PTPN2: variants seen among roughly 807,000 people sequenced by gnomAD.
PTPN2 encodes the protein protein tyrosine phosphatase non-receptor type 2.
PTPN2 carries 19 observed loss-of-function variants against 57.3 expected under a neutral mutation model. That is an observed-to-expected ratio of 0.33 (90% CI 0.23 to 0.49). PTPN2 has a LOEUF of 0.49. Ranked by LOEUF, PTPN2 falls within the 20% of genes least tolerant of loss-of-function variation. PTPN2 has a pLI of 0.99. For missense variants in PTPN2, 358 were observed against 501.1 expected (o/e 0.71, Z 2.73); for synonymous variants, 153 against 164.9 (o/e 0.93, Z 0.55).
chr18:12,881,395 C>G (rs1443460531), intron 1 of PTPN2, among the ~76,000 whole-genome samples: 1 of 152,156 alleles, frequency 6.6e-6, no homozygotes, highest in Non-Finnish European at 1.5e-5. Context: ...TGACGTCGCA[C>G]CACTGCACTC....
chr18:12,877,226 C>T (rs1305571574), intron 1 of PTPN2, among the ~76,000 whole-genome samples: 1 of 150,078 alleles, frequency 6.7e-6, no homozygotes, highest in African/African-American at 2.5e-5. Context: ...GGTGGGAAAA[C>T]AAAGAAAAAA....
chr18:12,874,867 A>G (rs963741182), intron 1 of PTPN2, among the ~76,000 whole-genome samples: 29 of 152,184 alleles, frequency 1.9e-4, no homozygotes, highest in East Asian at 1.2e-3. Context: ...AATAGAAAGC[A>G]GGGAAAGGTG....
In PTPN2 at chr18:12,829,256, C is replaced by CT. The variant is rs539187007; in HGVS notation, c.360+1686dup. 6.8e-4 allele frequency among the ~76,000 whole-genome samples: 103 copies of CT among 152,172 alleles called. No homozygotes were observed. The South Asian group carries it at 1.0e-2, about 15-fold the overall frequency. ...CAGAGCTGGGTGAGGTGGCTCACGC[C>CT]TGTAATCCCAGCACTTTGGGAGGCC... On this transcript the variant is annotated intron_variant, in intron 4 of 8. Coordinates refer to ENST00000309660, the MANE Select transcript of PTPN2 (RefSeq NM_002828.4).
chr18:12,814,147 T>C, intron 7 of PTPN2, 56 bp downstream of exon 7: 1 of 1,303,152 alleles, frequency 7.7e-7, no homozygotes, highest in East Asian at 2.4e-5. Context: ...GTGCAGTTAT[T>C]TGATGCTATG....
At position 12,874,533 on chromosome 18, in the gene PTPN2, T is replaced by TGG. The variant is rs748527941; in HGVS notation, c.69+9538_69+9539dup. 8.8e-3 allele frequency among the ~76,000 whole-genome samples: 503 copies of TGG among 57,074 alleles called. 15 individuals are homozygous for TGG. Among genetic ancestry groups the TGG allele is most frequent in the Non-Finnish European group, 0.013 (381 of 29,878 alleles). 37.4% of individuals were successfully genotyped at this position (57,074 alleles called of 152,430 possible). A position where few individuals can be genotyped will look rare whatever the true frequency, so the allele number is the denominator to read the frequency against. On this transcript the variant is annotated intron_variant, in intron 1 of 8. Transcript: ENST00000309660. ...CCAGCCGCCCCGTCCGGGAGGAAGG[T>TGG]GGGGGGGGGTCAGCTCCCCGCCCGG...
rs189088597 is a variant in PTPN2, at chr18:12,859,407, A to C, written c.70-153T>G. Among the ~76,000 whole-genome samples, 506 of 152,350 alleles carry C rather than the reference A, an allele frequency of 3.3e-3. 1 individual carries two copies. Among genetic ancestry groups the C allele is most frequent in the Non-Finnish European group, 5.4e-3 (368 of 68,036 alleles). ...TACATCAATTAATCATTTAATCCTC[A>C]CAATACTAATGGAAACGATTTTCTT... is the stretch of plus-strand genomic sequence containing the variant. On this transcript the variant is annotated intron_variant, in intron 1 of 8. Transcript: ENST00000309660.
At chr18:12,794,677 A>G (rs2041100357) in intron 8 of PTPN2, among the ~76,000 whole-genome samples, 192 bp from the exon 9 acceptor site, 1 of 152,192 alleles carries the variant, frequency 6.6e-6, no homozygotes, top group African/African-American at 2.4e-5. Context: ...CCTGGAGTGC[A>G]GTGGTACAAT....
chr18:12,879,456 G>T (rs1285718991), intron 1 of PTPN2, among the ~76,000 whole-genome samples: 1 of 152,130 alleles, frequency 6.6e-6, no homozygotes, highest in Non-Finnish European at 1.5e-5. Flanking sequence ...ATATCAAGTT[G>T]CCCTTTCCTC....
At chr18:12,807,568 G>GGAAAAAAAAAA (rs1491298104) in intron 7 of PTPN2, among the ~76,000 whole-genome samples, 2 of 41,196 alleles carry the variant, frequency 4.9e-5, no homozygotes, top group Non-Finnish European at 9.5e-5. Flanking sequence ...AGAAAATGTG[G>GGAAAAAAAAAA]AAAAAAAAAA....
At chr18:12,819,136 C>A in intron 5 of PTPN2, 4 of 506,910 alleles carry the variant, frequency 7.9e-6, no homozygotes, top group South Asian at 4.3e-5. Context: ...GAAATTAAGA[C>A]TTCTATGTCC....
At chr18:12,832,848 C>A (rs1412731390) in intron 3 of PTPN2, among the ~76,000 whole-genome samples, 2 of 152,204 alleles carry the variant, frequency 1.3e-5, no homozygotes, top group African/African-American at 2.4e-5. Flanking sequence ...AGTGCAATGG[C>A]ACGACCTCGG....
downstream of PTPN2, among the ~76,000 whole-genome samples, chr18:12,789,796 CAT>C (rs1222948189): frequency 6.6e-6 from 1 of 152,076 alleles, no homozygotes; most frequent in Non-Finnish European, 1.5e-5. Context: ...TTTTAAAAAA[CAT>C]ATATTTATAA....
chr18:12,840,660 T>C, intron 2 of PTPN2: 2 of 1,577,402 alleles, frequency 1.3e-6, no homozygotes, highest in East Asian at 2.2e-5. Flanking sequence ...ATCACAAGTG[T>C]AACACACTAG....
intron 7 of PTPN2, among the ~76,000 whole-genome samples, chr18:12,807,586 A>AAAAAAAAATATATAT: frequency 2.8e-5 from 1 of 35,192 alleles, no homozygotes; most frequent in Non-Finnish European, 6.1e-5. Flanking sequence ...AAAAAAAAAA[A>AAAAAAAAATATATAT]ATATATATAT....
At chr18:12,807,356 T>C (rs2041694435) in intron 7 of PTPN2, among the ~76,000 whole-genome samples, 2 of 151,810 alleles carry the variant, frequency 1.3e-5, no homozygotes. Flanking sequence ...ACAGCCATCT[T>C]GGAAAACAGC....
chr18:12,831,056 G>T lies in PTPN2; in HGVS notation c.262-15C>A. 2 of 1,554,726 alleles carry T rather than the reference G, an allele frequency of 1.3e-6. No individual in the cohort carries two copies. The highest frequency in any genetic ancestry group is 1.1e-5 in the South Asian group (1 of 89,566). On this transcript the variant is annotated splice_polypyrimidine_tract_variant and intron_variant, in intron 3 of 8. Transcript: ENST00000309660. ...GGAAGTGGACCCTGTGAAGAGAGAG[G>T]AGAGAGAGCAGATGAGGGAAGCAGA...
At position 12,884,145 on chromosome 18, in the gene PTPN2, T is replaced by TGCGGGAGCGA. The variant is rs1372005376; in HGVS notation, c.-14_-5dup. The stretch of plus-strand genomic sequence containing the variant: ...CCCGCTCGATGGTGGTGGGCATGGC[T>TGCGGGAGCGA]GCGGGAGCGAGCTGGCGCGAGCAGA... On this transcript the variant is annotated 5_prime_UTR_variant, in exon 1 of 9. Transcript: ENST00000309660. 3 of 1,580,320 alleles carry TGCGGGAGCGA rather than the reference T, an allele frequency of 1.9e-6. No individual in the cohort carries two copies. The highest frequency in any genetic ancestry group is 1.7e-4 in the Middle Eastern group (1 of 5,940).
downstream of PTPN2, among the ~76,000 whole-genome samples, chr18:12,791,373 T>C (rs886414560): frequency 2.0e-5 from 3 of 152,218 alleles, no homozygotes; most frequent in African/African-American, 4.8e-5. Flanking sequence ...TCAAAGTATA[T>C]ATCTGACTCT....
At chr18:12,843,643 G>T (rs1428125466) in intron 2 of PTPN2, among the ~76,000 whole-genome samples, 1 of 152,156 alleles carries the variant, frequency 6.6e-6, no homozygotes, top group Non-Finnish European at 1.5e-5. Context: ...GAGCACCCAG[G>T]CACCCAGTAG....
Sources: allele counts gnomAD v4.1 joint callset (sites outside exome capture counted in the v4.1 genomes callset), GRCh38; gene constraint gnomAD v4.1.1; transcripts MANE v1.5; gene names NCBI Gene and HGNC (gene_info 2026-07-23, HGNC 2026-07-21).